DMD: variants seen among roughly 807,000 people sequenced by gnomAD.
The protein encoded by DMD is dystrophin, also known as mutant dystrophin.
A neutral mutation model predicts 330.1 loss-of-function variants in DMD; 63 were observed. That is an observed-to-expected ratio of 0.19 (90% CI 0.16 to 0.24). The LOEUF is 0.24. Ranked by LOEUF, DMD falls within the 10% of genes least tolerant of loss-of-function variation. The pLI is 1.00. For synonymous variants in DMD, 1,223 were observed against 959.8 expected, an observed-to-expected ratio of 1.27 and a Z score of -5.07; for missense variants, 3,344 against 2,684.1, an observed-to-expected ratio of 1.25 and a Z score of -5.43.
chrX:32,587,072 GATAGGGTCTAACATTCTAT>G (rs2054371714), intron 13 of DMD, among the ~76,000 whole-genome samples: 1 of 110,900 alleles, frequency 9.0e-6, no homozygotes, highest in African/African-American at 3.3e-5. Flanking sequence ...TTCTTAATTT[GATAGGGTCTAACATTCTAT>G]AAAATTTTCT....
chrX:33,013,214 T>C (rs964900828), intron 2 of DMD, among the ~76,000 whole-genome samples: 2 of 111,114 alleles, frequency 1.8e-5, no homozygotes, highest in Admixed American at 1.9e-4. Context: ...GCAAGCCACA[T>C]AAATTCACAT....
chrX:32,101,781 T>C (rs2096540743), intron 44 of DMD, among the ~76,000 whole-genome samples: 1 of 111,597 alleles, frequency 9.0e-6, no homozygotes, highest in Non-Finnish European at 1.9e-5. Context: ...AGTTTAAATG[T>C]GTCCCCCAAA....
chrX:32,447,836 GCTTT>G (rs2098312039), intron 27 of DMD, among the ~76,000 whole-genome samples: 1 of 111,434 alleles, frequency 9.0e-6, no homozygotes, highest in Admixed American at 9.5e-5. Context: ...TGAGGCACCT[GCTTT>G]CTTTATCTAA....
intron 44 of DMD, among the ~76,000 whole-genome samples, chrX:32,071,524 G>A (rs1466146612): frequency 1.2e-4 from 10 of 82,950 alleles, no homozygotes; most frequent in African/African-American, 4.4e-4. Flanking sequence ...GGGGGGAGGG[G>A]GGAGGGATAG....
Position 32,809,577 on chromosome X carries a change from G to T in DMD, c.565C>A (p.Gln189Lys), listed in dbSNP as rs794727861. Residue 189 changes from glutamine (Q) to lysine (K), a missense_variant, in exon 7 of 79, where the codon CAG becomes AAG. Coordinates refer to ENST00000357033, the MANE Select transcript of DMD (RefSeq NM_004006.3). ...DLFDWNSVVC[Q>K]QSATQRLEHA... ...TCCAGTCGTTGTGTGGCTGACTGCT[G>T]GCAAACCACACTATTCCAGTCAAAT... The T allele has an allele frequency of 5.0e-6, 6 of 1,208,295 alleles. No homozygotes were observed. Among genetic ancestry groups the T allele is most frequent in the Non-Finnish European group, 6.7e-6 (6 of 894,722 alleles).
intron 55 of DMD, among the ~76,000 whole-genome samples, chrX:31,584,089 C>T (rs1365723172): frequency 9.2e-6 from 1 of 109,259 alleles, no homozygotes; most frequent in Non-Finnish European, 1.9e-5. Context: ...GACATGAACT[C>T]ATCCTTTTTT....
At chrX:32,517,179 T>G (rs1181840445) in intron 18 of DMD, 1 of 111,845 alleles carries the variant, frequency 8.9e-6, no homozygotes, top group African/African-American at 3.2e-5. Flanking sequence ...ATATACACAT[T>G]TAGATGTGAT....
rs1268727276 is a variant in DMD at position 32,555,698 on chromosome X, C to T, written c.1992+10004G>A. 1.8e-4 allele frequency among the ~76,000 whole-genome samples: 20 copies of T among 111,165 alleles called. No homozygotes were observed. In the Admixed American group the frequency reaches 1.8e-3, roughly 10 times the overall value. On this transcript the variant is annotated intron_variant, in intron 16 of 78. Transcript: ENST00000357033. The stretch of plus-strand genomic sequence containing the variant: ...CACGCACCTACAACCATCTGATCTT[C>T]GACAAACCTGAAAAAACAAGCAATG...
intron 55 of DMD, among the ~76,000 whole-genome samples, chrX:31,535,300 A>G (rs1472373189): frequency 1.8e-4 from 2 of 11,208 alleles, no homozygotes; most frequent in African/African-American, 4.0e-4. Flanking sequence ...ATATAGATCA[A>G]TGGAACAGAA....
intron 44 of DMD, among the ~76,000 whole-genome samples, chrX:32,013,087 T>C (rs1402386490): frequency 1.6e-5 from 1 of 60,976 alleles, no homozygotes; most frequent in East Asian, 5.3e-4. Flanking sequence ...TCTTTTCTTT[T>C]CTTTCCTTTT....
intron 13 of DMD, among the ~76,000 whole-genome samples, chrX:32,582,748 C>G (rs1292460348): frequency 8.9e-6 from 1 of 111,838 alleles, no homozygotes; most frequent in African/African-American, 3.3e-5. Flanking sequence ...AAACTCTAGA[C>G]AGGCTTTTAT....
At chrX:32,915,242 G>A (rs1474000595) in intron 2 of DMD, among the ~76,000 whole-genome samples, 1 of 111,540 alleles carries the variant, frequency 9.0e-6, no homozygotes, top group Non-Finnish European at 1.9e-5. Flanking sequence ...ATAAGGATGA[G>A]GCCAGAGAAC....
At position 32,463,510 on chromosome X, in the gene DMD, G is replaced by T; in HGVS notation, c.3361C>A (p.Pro1121Thr). ...GTCTCAAGTCTCGAAGCAAACTCTG[G>T]CTCTGCTTCATTCTTTATCTTCTGC... ...GGQKIKNEAE[P>T]EFASRLETEL... Residue 1121 changes from proline to threonine, a missense_variant, in exon 25 of 79, where the codon CCA (proline) becomes ACA (threonine). Coordinates refer to ENST00000357033, the MANE Select transcript of DMD (RefSeq NM_004006.3). The T allele has an allele frequency of 1.5e-5, 18 of 1,203,854 alleles. No individual in the cohort carries two copies. The highest frequency in any genetic ancestry group is 2.0e-5 in the Non-Finnish European group (18 of 890,799).
chrX:32,818,613 T>A (rs2077955528), intron 5 of DMD, among the ~76,000 whole-genome samples: 1 of 111,691 alleles, frequency 9.0e-6, no homozygotes, highest in Non-Finnish European at 1.9e-5. Context: ...TTGAAATGTC[T>A]TTGAGCAGTG....
At chrX:31,801,402 A>T (rs1218693990) in intron 50 of DMD, among the ~76,000 whole-genome samples, 2 of 111,758 alleles carry the variant, frequency 1.8e-5, no homozygotes, top group African/African-American at 6.5e-5. Flanking sequence ...AATTACAGGG[A>T]TTACAATTCA....
chrX:31,903,565 C>G (rs2094446859), intron 47 of DMD, among the ~76,000 whole-genome samples: 1 of 111,994 alleles, frequency 8.9e-6, no homozygotes, highest in African/African-American at 3.2e-5. Flanking sequence ...ACCATACTAT[C>G]CCCACACCAA....
At chrX:32,437,106 A>C (rs1437431619) in intron 29 of DMD, among the ~76,000 whole-genome samples, 1 of 112,407 alleles carries the variant, frequency 8.9e-6, no homozygotes, top group African/African-American at 3.2e-5. Context: ...ACCCACATTG[A>C]AATGATCTTC....
chrX:33,292,730 AC>A (rs1350076474), intron 1 of DMD, among the ~76,000 whole-genome samples: 1 of 111,162 alleles, frequency 9.0e-6, no homozygotes, highest in Non-Finnish European at 1.9e-5. Flanking sequence ...TGGAGGAAAA[AC>A]AGATGCCAGG....
intron 7 of DMD, among the ~76,000 whole-genome samples, chrX:32,752,549 A>T (rs2144386): frequency 5.8e-5 from 6 of 103,835 alleles, no homozygotes; most frequent in South Asian, 4.6e-4. Flanking sequence ...TGCCTTATCT[A>T]GGATGACACT....
Sources: allele counts gnomAD v4.1 joint callset (sites outside exome capture counted in the v4.1 genomes callset), GRCh38; gene constraint gnomAD v4.1.1; transcripts MANE v1.5; gene names NCBI Gene and HGNC (gene_info 2026-07-23, HGNC 2026-07-21).